Variants in TTC7A observed in about 807,000 individuals in gnomAD.
TTC7A encodes the protein tetratricopeptide repeat domain 7A.
A neutral mutation model predicts 103.7 loss-of-function variants in TTC7A; 110 were observed. That is an observed-to-expected ratio of 1.06 (90% CI 0.91 to 1.24). The LOEUF (loss-of-function observed/expected upper bound fraction) is 1.24, where lower values mean the gene tolerates loss of function less well. TTC7A is among the 50% of genes most tolerant of loss of function. TTC7A has a pLI of 0.00. For missense variants in TTC7A, 1,340 were observed against 1,116.3 expected, an observed-to-expected ratio of 1.20 and a Z score of -2.86; for synonymous variants, 521 against 467.9, an observed-to-expected ratio of 1.11 and a Z score of -1.47.
chr2:47,012,786 C>A (rs755876055), intron 11 of TTC7A, among the ~76,000 whole-genome samples: 4 of 152,148 alleles, frequency 2.6e-5, no homozygotes, highest in African/African-American at 4.8e-5. Flanking sequence ...CACAAAGAGG[C>A]TGGGTGAAAA....
rs757012029 is a variant in TTC7A, at chr2:46,994,492, C to A, written c.979C>A (p.Pro327Thr). ...TTTCGCCACTCAGGCCCTGCGGAAA[C>A]CTCACCTCTATGAAGGAGACAAGTA... ...SSFATQALRK[P>T]HLYEGDNLYC... The change falls in exon 7 of 20, where the codon CCT (proline) becomes ACT (threonine). Residue 327 changes from proline (P) to threonine (T), a missense_variant. Physicochemically the swap from Pro to Thr is conservative, Grantham distance 38. Coordinates refer to ENST00000319190, the MANE Select transcript of TTC7A (RefSeq NM_020458.4). 40 of 1,613,914 alleles carry A rather than the reference C, an allele frequency of 2.5e-5. 2 individuals are homozygous for A. In the East Asian group the frequency reaches 8.5e-4, roughly 34 times the overall value.
chr2:47,023,884 C>T (rs1292217968), intron 13 of TTC7A, among the ~76,000 whole-genome samples: 1 of 137,590 alleles, frequency 7.3e-6, no homozygotes, highest in Admixed American at 7.3e-5. Context: ...CTTCCACCAT[C>T]CCCAGCCCCT....
At chr2:46,984,183 C>T (rs970529814) in intron 5 of TTC7A, among the ~76,000 whole-genome samples, 5 of 152,220 alleles carry the variant, frequency 3.3e-5, no homozygotes, top group African/African-American at 1.2e-4. Context: ...GCACAGGGCC[C>T]GGCTGACTTT....
intron 15 of TTC7A, among the ~76,000 whole-genome samples, chr2:47,037,565 G>C (rs1681247883): frequency 6.6e-6 from 1 of 152,242 alleles, no homozygotes; most frequent in African/African-American, 2.4e-5. Context: ...TGGTGGAGCA[G>C]AGGCGAGAAC....
At position 47,074,887 on chromosome 2, in the gene TTC7A, G is replaced by A. The variant is rs1424101936; in HGVS notation, c.*964G>A. 1 of 152,254 alleles carries A rather than the reference G, an allele frequency of 6.6e-6. No individual in the cohort carries two copies. Among genetic ancestry groups the A allele is most frequent in the Non-Finnish European group, 1.5e-5 (1 of 68,118 alleles). 9.4% of individuals were successfully genotyped at this position (152,254 alleles called of 1,614,324 possible). On this transcript the variant is annotated 3_prime_UTR_variant, in exon 20 of 20. Coordinates refer to ENST00000319190, the MANE Select transcript of TTC7A (RefSeq NM_020458.4). ...CATGACACCTGTCTTCCGGGCCTGG[G>A]GGCTGTGGGTGTATGTCCTCCCTAC...
chr2:47,023,534 A>T, intron 13 of TTC7A, 69 bp downstream of exon 13: 1 of 1,498,610 alleles, frequency 6.7e-7, no homozygotes, highest in Non-Finnish European at 9.3e-7. Flanking sequence ...GCTTTACGTC[A>T]TCAGACCCTC....
At chr2:47,005,337 G>A (rs996492549) in intron 8 of TTC7A, among the ~76,000 whole-genome samples, 22 of 152,172 alleles carry the variant, frequency 1.4e-4, no homozygotes, top group African/African-American at 2.4e-4. Flanking sequence ...CAAGAGTCAA[G>A]CAGCAGAGCC....
At chr2:46,993,656 T>C in intron 6 of TTC7A, 128 bp downstream of exon 6, 1 of 821,776 alleles carries the variant, frequency 1.2e-6, no homozygotes, top group South Asian at 1.5e-5. Context: ...TGGCAGAGGT[T>C]GGTAATCAAT....
At chr2:46,956,511 T>G in intron 2 of TTC7A, 1 of 273,752 alleles carries the variant, frequency 3.7e-6, no homozygotes, top group East Asian at 6.8e-5. Context: ...GAGTGCCCCC[T>G]GGGGCTGCAG....
chr2:46,980,742 A>G (rs1329514151), intron 5 of TTC7A, among the ~76,000 whole-genome samples: 1 of 152,194 alleles, frequency 6.6e-6, no homozygotes, highest in Non-Finnish European at 1.5e-5. Flanking sequence ...AGCAGATACC[A>G]GTCACAAATA....
At chr2:46,937,259 A>T (rs1670024840), upstream of TTC7A, among the ~76,000 whole-genome samples, 1 of 152,024 alleles carries the variant, frequency 6.6e-6, no homozygotes, top group South Asian at 2.1e-4. This position sits in a 1 kb window ranked among gnomAD's most constrained non-coding sequence, Gnocchi z 4.0. Context: ...TCACAGCTGA[A>T]ACCTGCTATT....
Position 47,074,144 on chromosome 2 carries a change from A to C in TTC7A, c.*221A>C. On this transcript the variant is annotated 3_prime_UTR_variant, in exon 20 of 20. Coordinates refer to ENST00000319190, the MANE Select transcript of TTC7A (RefSeq NM_020458.4). ...GGGAAACAGTCTGACTTGAACCCTA[A>C]GTGCCTTTGGAGAGTTTTGTGGTGA... 1 of 579,952 alleles carries C rather than the reference A, an allele frequency of 1.7e-6. No homozygotes were observed. The highest frequency in any genetic ancestry group is 3.1e-6 in the Non-Finnish European group (1 of 324,760). The allele number at this position is 579,952 out of a possible 1,614,324, so 35.9% of individuals were successfully genotyped here.
upstream of TTC7A, among the ~76,000 whole-genome samples, chr2:46,937,602 G>A (rs947059106): frequency 1.3e-5 from 2 of 152,166 alleles, no homozygotes; most frequent in Non-Finnish European, 2.9e-5. This position sits in a 1 kb window ranked among gnomAD's most constrained non-coding sequence, Gnocchi z 4.0. Flanking sequence ...CCCCAATGAT[G>A]ATTTTTTATT....
Position 47,046,356 on chromosome 2 carries a change from G to T in TTC7A, c.1844G>T (p.Gly615Val), listed in dbSNP as rs1322909698. 2 of 1,614,074 alleles carry T rather than the reference G, an allele frequency of 1.2e-6. No individual in the cohort carries two copies. The highest frequency in any genetic ancestry group is 1.7e-5 in the Admixed American group (1 of 60,016). The change falls in exon 16 of 20, where the codon GGC becomes GTC. Residue 615 changes from glycine to valine, a missense_variant. Transcript: ENST00000319190. Reference sequence around the variant, plus strand: ...GTGAAGCTGGAGCAGGTGCTGAAAGGCCCAGAGGAAGCCCTCGTGACCTGC... The same window carrying T: ...GTGAAGCTGGAGCAGGTGCTGAAAGTCCCAGAGGAAGCCCTCGTGACCTGC... Reference protein sequence around the residue: ...TKVKLEQVLKGPEEALVTCRQ... With the variant: ...TKVKLEQVLKVPEEALVTCRQ...
intron 15 of TTC7A, among the ~76,000 whole-genome samples, chr2:47,031,467 A>G (rs1398590268): frequency 6.6e-6 from 1 of 152,102 alleles, no homozygotes; most frequent in Non-Finnish European, 1.5e-5. Flanking sequence ...GTTAGGCTTC[A>G]TCGGAAACCG....
intron 15 of TTC7A, among the ~76,000 whole-genome samples, chr2:47,034,761 C>T (rs532681392): frequency 5.5e-4 from 84 of 152,192 alleles, no homozygotes; most frequent in Admixed American, 1.4e-3. Flanking sequence ...CTGGAACCTC[C>T]GTCGGTCAGG....
At chr2:47,026,911 C>T (rs1679980628) in intron 14 of TTC7A, among the ~76,000 whole-genome samples, 1 of 152,160 alleles carries the variant, frequency 6.6e-6, no homozygotes, top group Admixed American at 6.5e-5. Flanking sequence ...CAACCTCACC[C>T]CAGAGCCTCT....
rs1252204068 is a variant in TTC7A, at chr2:46,941,235, T to TGCAGCG, written c.-304_-299dup. On this transcript the variant is annotated 5_prime_UTR_variant, in exon 1 of 20. Transcript: ENST00000319190. The surrounding 1 kb of genome is among the most constrained non-coding windows in gnomAD (Gnocchi z 4.2). ...CCGGGGCGGAGGCTGTGGCAGCAGC[T>TGCAGCG]GCAGCGGCGGCGGCGGCGGCAGCGC... 1.4e-4 allele frequency: 21 copies of TGCAGCG among 149,794 alleles called. No individual in the cohort carries two copies. The highest frequency in any genetic ancestry group is 5.2e-4 in the African/African-American group (21 of 40,456). The allele number at this position is 149,794 out of a possible 1,614,324, so 9.3% of individuals were successfully genotyped here.
intron 11 of TTC7A, among the ~76,000 whole-genome samples, chr2:47,015,659 A>G (rs1388555255): frequency 6.6e-6 from 1 of 152,204 alleles, no homozygotes; most frequent in Non-Finnish European, 1.5e-5. Context: ...GCCCCTGCTT[A>G]GCACACTGCG....
Sources: gnomAD v4.1 joint callset for allele counts (sites outside exome capture counted in the v4.1 genomes callset) on GRCh38, gnomAD v4.1.1 for gene constraint, Gnocchi (gnomAD v3.1) non-coding constraint, MANE v1.5 for transcripts, NCBI Gene and HGNC (gene_info 2026-07-23, HGNC 2026-07-21) for gene names.